CASK: variants seen among roughly 807,000 people sequenced by gnomAD.
CASK encodes the protein calcium/calmodulin dependent serine protein kinase, also known as peripheral plasma membrane protein CASK.
Under a neutral mutation model 82.9 loss-of-function variants are expected in CASK, and 4 were observed. The ratio of observed to expected loss-of-function variants is 0.05; its 90% CI spans 0.02 to 0.11. The LOEUF (loss-of-function observed/expected upper bound fraction) is 0.11. CASK is among the 10% of genes least tolerant of loss of function. The pLI is 1.00. For missense variants in CASK, 358 were observed against 720.9 expected (o/e 0.50, Z 5.76); for synonymous variants, 259 against 253.5 (o/e 1.02, Z -0.20).
At chrX:41,528,660 T>C (rs1396877654) in intron 25 of CASK, among the ~76,000 whole-genome samples, 6 of 112,361 alleles carry the variant, frequency 5.3e-5, no homozygotes, top group African/African-American at 1.3e-4. Flanking sequence ...AAGGGCTTAA[T>C]ACAAGTTTGT....
chrX:41,912,300 G>GTTTTTTTTTTTTTTTTTT (rs774775542), intron 1 of CASK, among the ~76,000 whole-genome samples: 1 of 53,166 alleles, frequency 1.9e-5, no homozygotes, highest in African/African-American at 7.6e-5. Context: ...TTTGTTTTCT[G>GTTTTTTTTTTTTTTTTTT]TTTTTTTTTT....
At chrX:41,708,265 T>A (rs1419716856) in intron 5 of CASK, among the ~76,000 whole-genome samples, 1 of 112,037 alleles carries the variant, frequency 8.9e-6, no homozygotes, top group Non-Finnish European at 1.9e-5. Flanking sequence ...TTAAATTACA[T>A]TTATTAATAG....
Position 41,812,911 on chromosome X carries a change from A to T in CASK, c.173-25628T>A, listed in dbSNP as rs751743401. Among the ~76,000 whole-genome samples, 186 of 112,132 alleles carry T rather than the reference A, an allele frequency of 1.7e-3. 1 individual carries two copies. The highest frequency in any genetic ancestry group is 5.8e-3 in the African/African-American group (180 of 30,891). ...AGCAAAGTCTCAGGATACAAAATCA[A>T]TGTGCAAAAATCACAAGCATTCTTA... On this transcript the variant is annotated intron_variant, in intron 2 of 26. Transcript: ENST00000378163.
intron 1 of CASK, among the ~76,000 whole-genome samples, chrX:41,865,976 G>A (rs937385977): frequency 5.3e-5 from 6 of 112,309 alleles, no homozygotes; most frequent in Non-Finnish European, 1.1e-4. Context: ...ACATGGCTTC[G>A]CTGCGGCTGC....
intron 3 of CASK, among the ~76,000 whole-genome samples, chrX:41,779,630 G>GA (rs1465156269): frequency 5.4e-5 from 6 of 111,233 alleles, no homozygotes; most frequent in Non-Finnish European, 1.1e-4. Flanking sequence ...CACATAAAAA[G>GA]AAAAAATCAA....
intron 5 of CASK, among the ~76,000 whole-genome samples, chrX:41,723,555 T>C (rs1038536532): frequency 9.0e-6 from 1 of 111,681 alleles, no homozygotes; most frequent in Non-Finnish European, 1.9e-5. Flanking sequence ...CCCCAAACAG[T>C]GTATTATGTT....
intron 2 of CASK, among the ~76,000 whole-genome samples, chrX:41,806,811 C>T (rs1307263170): frequency 9.0e-6 from 1 of 111,681 alleles, no homozygotes; most frequent in African/African-American, 3.3e-5. Flanking sequence ...TAAAAACACA[C>T]ACAGCTACAA....
At chrX:41,814,224 C>G (rs1323903325) in intron 2 of CASK, among the ~76,000 whole-genome samples, 1 of 111,537 alleles carries the variant, frequency 9.0e-6, no homozygotes, top group Non-Finnish European at 1.9e-5. Context: ...ACCATTTGAC[C>G]CAACCATCCC....
In CASK at chrX:41,772,123, G is replaced by A. The variant is rs138260913; in HGVS notation, c.278+15055C>T. Among the ~76,000 whole-genome samples the A allele has an allele frequency of 1.0e-2, 1,104 of 110,634 alleles. 13 individuals carry two copies. The highest frequency in any genetic ancestry group is 0.034 in the African/African-American group (1,022 of 30,468). Reference sequence around the variant, plus strand: ...CCCAGCACTTTGAGAGGCCGAGGCAGGCGGATCACTTGAAGTCAGGAGTTT... The same window carrying A: ...CCCAGCACTTTGAGAGGCCGAGGCAAGCGGATCACTTGAAGTCAGGAGTTT... On this transcript the variant is annotated intron_variant, in intron 3 of 26. Coordinates refer to ENST00000378163, the MANE Select transcript of CASK (RefSeq NM_001367721.1).
At chrX:41,617,335 G>A (rs953205864) in intron 11 of CASK, among the ~76,000 whole-genome samples, 2 of 112,055 alleles carry the variant, frequency 1.8e-5, no homozygotes, top group Admixed American at 9.4e-5. Flanking sequence ...TAACTTGATG[G>A]GTTCTCAATC....
At chrX:41,649,651 C>T (rs2066828469) in intron 8 of CASK, among the ~76,000 whole-genome samples, 1 of 111,714 alleles carries the variant, frequency 9.0e-6, no homozygotes, top group Non-Finnish European at 1.9e-5. Flanking sequence ...TTTACATTTG[C>T]TGAGGAGTGC....
intron 5 of CASK, chrX:41,727,324 C>A: frequency 8.3e-7 from 1 of 1,206,370 alleles, no homozygotes; most frequent in Non-Finnish European, 1.1e-6. Context: ...TCTATCCATG[C>A]ATGCAAGTAT....
intron 2 of CASK, among the ~76,000 whole-genome samples, chrX:41,806,996 A>G (rs937908048): frequency 2.7e-5 from 3 of 112,000 alleles, no homozygotes; most frequent in Middle Eastern, 4.6e-3. Context: ...AAATTAAATC[A>G]CAATAAAAAA....
chrX:41,638,346 C>G (rs2066593300), intron 8 of CASK, among the ~76,000 whole-genome samples: 1 of 110,533 alleles, frequency 9.0e-6, no homozygotes, highest in Admixed American at 9.7e-5. Context: ...GGGAGGATCA[C>G]TTGAGGCTAG....
intron 1 of CASK, among the ~76,000 whole-genome samples, chrX:41,885,477 T>C (rs1030379985): frequency 7.1e-5 from 8 of 112,214 alleles, no homozygotes; most frequent in Admixed American, 6.6e-4. Context: ...GTTTTTTTCA[T>C]TTATGAGATG....
intron 2 of CASK, among the ~76,000 whole-genome samples, chrX:41,831,619 G>C (rs751349824): frequency 8.9e-6 from 1 of 112,171 alleles, no homozygotes; most frequent in African/African-American, 3.2e-5. Flanking sequence ...TAATTATATA[G>C]TAAATTATTC....
intron 22 of CASK, among the ~76,000 whole-genome samples, chrX:41,541,085 C>T (rs912726801): frequency 1.8e-5 from 2 of 112,449 alleles, no homozygotes; most frequent in African/African-American, 6.5e-5. Context: ...ATTTATATGT[C>T]AACACATCTC....
chrX:41,784,598 C>A (rs765568636), intron 3 of CASK, among the ~76,000 whole-genome samples: 1 of 111,981 alleles, frequency 8.9e-6, no homozygotes, highest in Non-Finnish European at 1.9e-5. Context: ...ATATTTAAGG[C>A]TGGGCGTGGT....
At chrX:41,598,789 C>T (rs2147254241) in intron 12 of CASK, among the ~76,000 whole-genome samples, 1 of 111,607 alleles carries the variant, frequency 9.0e-6, no homozygotes, top group Admixed American at 9.6e-5. Context: ...GCAAAGAATG[C>T]CTATCCTACC....
Sources: gnomAD v4.1 joint callset for allele counts (sites outside exome capture counted in the v4.1 genomes callset) on GRCh38, gnomAD v4.1.1 for gene constraint, MANE v1.5 for transcripts, NCBI Gene and HGNC (gene_info 2026-07-23, HGNC 2026-07-21) for gene names.